Variants in GMDS observed in about 807,000 individuals in gnomAD.
GMDS encodes the protein GDP-mannose 4,6-dehydratase.
GMDS carries 20 observed loss-of-function variants against 49.9 expected under a neutral mutation model. The ratio of observed to expected loss-of-function variants is 0.40; its 90% CI spans 0.28 to 0.58. The LOEUF (loss-of-function observed/expected upper bound fraction) is 0.58, where lower values mean the gene tolerates loss of function less well. Among genes scored for constraint, GMDS ranks in the 20% least tolerant of loss-of-function variants. GMDS has a pLI of 0.42. For missense variants in GMDS, 362 were observed against 481.4 expected (o/e 0.75, Z 2.32); for synonymous variants, 177 against 178.6 (o/e 0.99, Z 0.07).
At chr6:2,057,379 CACTT>C (rs746167247) in intron 4 of GMDS, among the ~76,000 whole-genome samples, 72 of 152,324 alleles carry the variant, frequency 4.7e-4, no homozygotes, top group Non-Finnish European at 7.4e-4. Context: ...TCATACTTGA[CACTT>C]ACATCACTGT....
At chr6:1,787,795 G>T (rs1170581734) in intron 7 of GMDS, among the ~76,000 whole-genome samples, 1 of 152,174 alleles carries the variant, frequency 6.6e-6, no homozygotes, top group Non-Finnish European at 1.5e-5. Flanking sequence ...ATTTTGTTTG[G>T]AATATTTTTT....
Position 2,161,660 on chromosome 6 carries a change from T to C in GMDS, c.103-36929A>G, listed in dbSNP as rs372642469. 3.4e-4 allele frequency among the ~76,000 whole-genome samples: 52 copies of C among 152,340 alleles called. 2 individuals carry two copies. In the East Asian group the frequency reaches 7.1e-3, roughly 21 times the overall value. On this transcript the variant is annotated intron_variant, in intron 1 of 10. Coordinates refer to ENST00000380815, the MANE Select transcript of GMDS (RefSeq NM_001500.4). Reference sequence around the variant, plus strand: ...TGGGGGAACCCCCAATTCCCCACTGTGACCTTCAAACCAATCAGTCTAGGA... The same window carrying C: ...TGGGGGAACCCCCAATTCCCCACTGCGACCTTCAAACCAATCAGTCTAGGA...
chr6:1,806,477 C>T (rs928396161), intron 7 of GMDS, among the ~76,000 whole-genome samples: 4 of 146,864 alleles, frequency 2.7e-5, no homozygotes, highest in African/African-American at 4.9e-5. Context: ...CACACAGGCA[C>T]GCACATGCAT....
intron 1 of GMDS, among the ~76,000 whole-genome samples, chr6:2,222,703 C>T (rs1780647607): frequency 6.6e-6 from 1 of 152,142 alleles, no homozygotes; most frequent in Admixed American, 6.5e-5. Flanking sequence ...GGCAGGTTTC[C>T]AGGCGGTCAG....
intron 7 of GMDS, among the ~76,000 whole-genome samples, chr6:1,872,065 C>T (rs1321072671): frequency 1.3e-5 from 2 of 152,174 alleles, no homozygotes; most frequent in Admixed American, 6.5e-5. Flanking sequence ...TCTCAGATCC[C>T]CTCTTTCAAA....
At chr6:1,624,360 C>T in intron 10 of GMDS, 112 bp downstream of exon 10, 1 of 1,298,226 alleles carries the variant, frequency 7.7e-7, no homozygotes, top group Non-Finnish European at 1.1e-6. Context: ...CTCCCGCACC[C>T]CGCCTTCCGG....
intron 1 of GMDS, among the ~76,000 whole-genome samples, chr6:2,201,279 A>G (rs1354787570): frequency 6.9e-6 from 1 of 145,030 alleles, no homozygotes; most frequent in Admixed American, 6.9e-5. Flanking sequence ...GTGAAGGATG[A>G]AGACAGAACA....
intron 7 of GMDS, among the ~76,000 whole-genome samples, chr6:1,893,481 C>T (rs1309062520): frequency 6.6e-6 from 1 of 152,286 alleles, no homozygotes; most frequent in East Asian, 1.9e-4. Flanking sequence ...CCACTGCACC[C>T]GGCCCATCTC....
intron 4 of GMDS, among the ~76,000 whole-genome samples, chr6:2,095,970 T>A (rs188162268): frequency 2.6e-5 from 4 of 152,154 alleles, no homozygotes; most frequent in Non-Finnish European, 5.9e-5. Context: ...AGAGCAAGCA[T>A]AGAAGTGACA....
At chr6:1,866,375 T>G (rs1326714467) in intron 7 of GMDS, among the ~76,000 whole-genome samples, 3 of 152,142 alleles carry the variant, frequency 2.0e-5, no homozygotes, top group Non-Finnish European at 4.4e-5. Context: ...CTTCACGAAG[T>G]TTACATTACA....
chr6:2,130,272 A>T (rs1467063790), intron 1 of GMDS, among the ~76,000 whole-genome samples: 3 of 152,230 alleles, frequency 2.0e-5, no homozygotes, highest in African/African-American at 7.2e-5. Flanking sequence ...AAACACAGAA[A>T]TAACTCCCAT....
chr6:2,235,952 T>A (rs1482919983), intron 1 of GMDS, among the ~76,000 whole-genome samples: 1 of 152,238 alleles, frequency 6.6e-6, no homozygotes, highest in Non-Finnish European at 1.5e-5. Context: ...GCATGTCTTA[T>A]GAGCAGATTG....
intron 7 of GMDS, among the ~76,000 whole-genome samples, chr6:1,876,527 G>A (rs1759074041): frequency 6.6e-6 from 1 of 152,144 alleles, no homozygotes; most frequent in Non-Finnish European, 1.5e-5. Context: ...AGAAAAGAGA[G>A]GAGGTTTGAG....
chr6:1,889,605 T>C (rs572104836), intron 7 of GMDS, among the ~76,000 whole-genome samples: 1 of 152,334 alleles, frequency 6.6e-6, no homozygotes, highest in Non-Finnish European at 1.5e-5. Context: ...TTATTCTTGG[T>C]TTCTTAAGAT....
At chr6:1,771,458 G>A (rs1428587261) in intron 7 of GMDS, among the ~76,000 whole-genome samples, 1 of 152,166 alleles carries the variant, frequency 6.6e-6, no homozygotes, top group African/African-American at 2.4e-5. Context: ...CAAACAAAAT[G>A]CACAAGAAAA....
chr6:1,742,598 G>C lies in GMDS; in HGVS notation c.772-12C>G. ...ATCAACCACATAGCCTAGAGGGAAA[G>C]AGAGGCAAGTTCACTTTGAAGTCAC... On this transcript the variant is annotated splice_polypyrimidine_tract_variant and intron_variant, in intron 7 of 10. Transcript: ENST00000380815. 2 of 1,452,558 alleles carry C rather than the reference G, an allele frequency of 1.4e-6. No homozygotes were observed. Among genetic ancestry groups the C allele is most frequent in the Non-Finnish European group, 1.9e-6 (2 of 1,035,528 alleles). The allele number at this position is 1,452,558 out of a possible 1,614,324, so 90.0% of individuals were successfully genotyped here. A position where few individuals can be genotyped will look rare whatever the true frequency, so the allele number is the denominator to read the frequency against.
At chr6:2,125,263 C>T (rs908337956) in intron 1 of GMDS, among the ~76,000 whole-genome samples, 2 of 144,276 alleles carry the variant, frequency 1.4e-5, no homozygotes, top group African/African-American at 5.9e-5. Flanking sequence ...CACAGTGAGA[C>T]CTTAGCACTG....
At chr6:1,998,191 G>A (rs1406166801) in intron 4 of GMDS, among the ~76,000 whole-genome samples, 1 of 152,130 alleles carries the variant, frequency 6.6e-6, no homozygotes, top group Non-Finnish European at 1.5e-5. Context: ...GTCATATCCA[G>A]GAGTTATCAT....
intron 1 of GMDS, among the ~76,000 whole-genome samples, chr6:2,238,844 T>TA (rs141417978): frequency 0.13 from 19,592 of 150,458 alleles, 1,853 homozygotes; most frequent in East Asian, 0.42. Context: ...ATGTACCAGT[T>TA]AAAAAAAAAA....
Sources: gnomAD v4.1 joint callset for allele counts (sites outside exome capture counted in the v4.1 genomes callset) on GRCh38, gnomAD v4.1.1 for gene constraint, MANE v1.5 for transcripts, NCBI Gene and HGNC (gene_info 2026-07-23, HGNC 2026-07-21) for gene names.